CEP162: variants seen among roughly 807,000 people sequenced by gnomAD.
CEP162 encodes the protein centrosomal protein of 162 kDa.
CEP162 carries 141 observed loss-of-function variants against 169.2 expected under a neutral mutation model. The observed-to-expected ratio is 0.83, with a 90% CI of 0.73 to 0.96. CEP162 has a LOEUF of 0.96. Among genes scored for constraint, CEP162 ranks in the 40% least tolerant of loss-of-function variants. The pLI, the probability that CEP162 is intolerant of heterozygous loss-of-function variation, is 0.00. For synonymous variants in CEP162, 540 were observed against 526.4 expected (o/e 1.03, Z -0.35); for missense variants, 1,600 against 1,587.2 (o/e 1.01, Z -0.14).
intron 11 of CEP162, among the ~76,000 whole-genome samples, chr6:84,187,905 A>T (rs2098190595): frequency 6.6e-6 from 1 of 152,184 alleles, no homozygotes; most frequent in East Asian, 1.9e-4. Flanking sequence ...GCTGGTTTGT[A>T]AGCAGAATTT....
chr6:84,182,313 TAAGAATTTTTAATTCTTAATAAGAGAAG>T (rs2099535218), intron 13 of CEP162, among the ~76,000 whole-genome samples: 1 of 152,234 alleles, frequency 6.6e-6, no homozygotes, highest in Non-Finnish European at 1.5e-5. Flanking sequence ...AAGCATATAT[TAAGAATTTTTAATTCTTAATAAGAGAAG>T]ACAATAATAA....
Position 84,153,155 on chromosome 6 carries a change from G to A in CEP162, c.3019C>T (p.Gln1007Ter), listed in dbSNP as rs764289503. The A allele has an allele frequency of 1.9e-6, 3 of 1,605,084 alleles. No homozygotes were observed. In the South Asian group the frequency reaches 3.4e-5, roughly 18 times the overall value. Residue 1007 changes from glutamine to a stop codon, truncating the protein, a stop_gained, in exon 23 of 27, where the codon CAG becomes TAG. Transcript: ENST00000403245. LOFTEE classifies it high-confidence loss of function. ...TTGCAGGCAAGTAGCTGCTCCTGCT[G>A]CTCTAGTCTTTGTTCATACTGAATC... The part of the protein sequence containing the change: ...MKIQYEQRLE[Q>*]QEQLLACKLN...
At chr6:84,180,068 T>C (rs1469418013) in intron 13 of CEP162, among the ~76,000 whole-genome samples, 3 of 152,124 alleles carry the variant, frequency 2.0e-5, no homozygotes, top group Non-Finnish European at 4.4e-5. Context: ...CCAATGCCCC[T>C]GATGAACATT....
In CEP162 at chr6:84,149,612, T is replaced by C. The variant is rs1234599333; in HGVS notation, c.3721A>G (p.Asn1241Asp). Residue 1241 changes from asparagine to aspartate, a missense_variant, in exon 24 of 27, where the codon AAT (asparagine) becomes GAT (aspartate). Asn to Asp is a conservative substitution (Grantham distance 23). Coordinates refer to ENST00000403245, the MANE Select transcript of CEP162 (RefSeq NM_014895.4). ...AGTTCAGCTACTTTGGAAGAAGAAT[T>C]TTCTACTGCATTTTGGCAAAGGAGT... ...EKLLCQNAVE[N>D]SSSKVAELNR... 1 of 1,605,260 alleles carries C rather than the reference T, an allele frequency of 6.2e-7. No individual in the cohort carries two copies. The highest frequency in any genetic ancestry group is 1.7e-5 in the Admixed American group (1 of 58,634).
intron 2 of CEP162, among the ~76,000 whole-genome samples, chr6:84,223,672 C>CGAGGCA (rs2099554626): frequency 1.3e-5 from 2 of 151,740 alleles, no homozygotes; most frequent in Admixed American, 1.3e-4. Context: ...TTTGAGAGGC[C>CGAGGCA]GAGGCAGGCG....
At chr6:84,206,120 A>G (rs1396313993) in intron 6 of CEP162, among the ~76,000 whole-genome samples, 1 of 149,436 alleles carries the variant, frequency 6.7e-6, no homozygotes, top group Non-Finnish European at 1.5e-5. Flanking sequence ...GGAAGAATCA[A>G]TATCGTGAAA....
chr6:84,187,049 GAAAT>G (rs1357866195), intron 11 of CEP162, among the ~76,000 whole-genome samples: 1 of 151,990 alleles, frequency 6.6e-6, no homozygotes, highest in African/African-American at 2.4e-5. Context: ...AGAAACTAAA[GAAAT>G]AATCATAAAT....
chr6:84,135,990 C>T (rs1375820189), intron 25 of CEP162, among the ~76,000 whole-genome samples: 6 of 152,178 alleles, frequency 3.9e-5, no homozygotes, highest in East Asian at 1.9e-4. Context: ...ATTGTGAGTA[C>T]TTACTTAATC....
At chr6:84,126,247 T>G (rs532681907) in intron 26 of CEP162, 131 bp downstream of exon 26, 16 of 566,532 alleles carry the variant, frequency 2.8e-5, no homozygotes, top group Non-Finnish European at 4.0e-5. Context: ...ATTTATTAAA[T>G]TTTTAACAAG....
intron 11 of CEP162, among the ~76,000 whole-genome samples, chr6:84,191,671 A>T (rs1220007137): frequency 6.6e-6 from 1 of 152,202 alleles, no homozygotes; most frequent in African/African-American, 2.4e-5. Flanking sequence ...TCACCTGGAA[A>T]TCCTGGCCTT....
intron 5 of CEP162, among the ~76,000 whole-genome samples, chr6:84,213,515 T>A (rs2099550352): frequency 6.6e-6 from 1 of 152,146 alleles, no homozygotes; most frequent in Non-Finnish European, 1.5e-5. Context: ...GGAGCTTGAG[T>A]ATGATTTAAT....
chr6:84,223,656 C>T (rs1588902908), intron 2 of CEP162, among the ~76,000 whole-genome samples: 1 of 152,142 alleles, frequency 6.6e-6, no homozygotes, highest in East Asian at 1.9e-4. Context: ...CCTGTAATCC[C>T]AGCACTTTGA....
chr6:84,159,978 T>TAA (rs2099525101), intron 21 of CEP162, among the ~76,000 whole-genome samples: 2 of 152,226 alleles, frequency 1.3e-5, no homozygotes, highest in Non-Finnish European at 2.9e-5. Flanking sequence ...ATAGGTCTTG[T>TAA]AAAAGTAATA....
In CEP162 at chr6:84,204,081, T is replaced by C; in HGVS notation, c.587A>G (p.Asp196Gly). The stretch of plus-strand genomic sequence containing the variant: ...TGCACCAACATACTCATCTTCAAAA[T>C]CATCACTGTAATTTTCTGAAGAAAG... ...HEELAENYSD[D>G]FEDEYVGAPL... Residue 196 changes from aspartate (D) to glycine (G), a missense_variant, in exon 7 of 27, where the codon GAT becomes GGT. Asp to Gly is a moderately conservative substitution (Grantham distance 94). Coordinates refer to ENST00000403245, the MANE Select transcript of CEP162 (RefSeq NM_014895.4). 1 of 1,593,254 alleles carries C rather than the reference T, an allele frequency of 6.3e-7. No individual in the cohort carries two copies.
chr6:84,138,616 C>T (rs2099515153), intron 25 of CEP162, among the ~76,000 whole-genome samples: 1 of 152,182 alleles, frequency 6.6e-6, no homozygotes, highest in Non-Finnish European at 1.5e-5. Context: ...GCTTAGCTTT[C>T]TAGTAGTGAG....
Position 84,161,753 on chromosome 6 carries a change from T to C in CEP162, c.2669A>G (p.Lys890Arg), listed in dbSNP as rs565358817. ...TTCTGAAATATCTATTACCTCAAGT[T>C]TGAGCTTCTCAATTTCCTCATTTGC... ...REANEEIEKLKLEIEKLKAES... is the reference protein window; with the variant it reads ...REANEEIEKLRLEIEKLKAES... Residue 890 changes from lysine to arginine, a missense_variant, in exon 20 of 27, where the codon AAA (lysine) becomes AGA (arginine). Lys to Arg is a conservative substitution (Grantham distance 26, BLOSUM62 2). Transcript: ENST00000403245. 4 of 1,587,856 alleles carry C rather than the reference T, an allele frequency of 2.5e-6. No homozygotes were observed. Among genetic ancestry groups the C allele is most frequent in the Non-Finnish European group, 2.6e-6 (3 of 1,166,702 alleles).
chr6:84,211,085 G>A (rs1357517790), intron 6 of CEP162, among the ~76,000 whole-genome samples: 1 of 151,866 alleles, frequency 6.6e-6, no homozygotes, highest in Non-Finnish European at 1.5e-5. Context: ...ATAGCCAACA[G>A]AAAAGACACA....
intron 22 of CEP162, among the ~76,000 whole-genome samples, 156 bp downstream of exon 22, chr6:84,155,142 T>C (rs2099522648): frequency 6.6e-6 from 1 of 152,148 alleles, no homozygotes; most frequent in Non-Finnish European, 1.5e-5. Flanking sequence ...GACACCAAAA[T>C]AGGATGCACT....
intron 11 of CEP162, among the ~76,000 whole-genome samples, chr6:84,193,204 G>T (rs2099540632): frequency 6.6e-6 from 1 of 152,098 alleles, no homozygotes; most frequent in Admixed American, 6.5e-5. Context: ...TTTCTCTTGT[G>T]GCTACAAACT....
Sources: allele counts gnomAD v4.1 joint callset (sites outside exome capture counted in the v4.1 genomes callset), GRCh38; gene constraint gnomAD v4.1.1; transcripts MANE v1.5; gene names NCBI Gene and HGNC (gene_info 2026-07-23, HGNC 2026-07-21).